SPON1: variants seen among roughly 807,000 people sequenced by gnomAD.
SPON1 encodes spondin 1.
SPON1 carries 52 observed loss-of-function variants against 111.7 expected under a neutral mutation model. That is an observed-to-expected ratio of 0.47 (90% CI 0.37 to 0.59). The LOEUF is 0.59. SPON1 is among the 20% of genes least tolerant of loss of function. The pLI, the probability that SPON1 is intolerant of heterozygous loss-of-function variation, is 0.00. For missense variants in SPON1, 957 were observed against 1,068.5 expected (o/e 0.90, Z 1.46); for synonymous variants, 410 against 395.8 (o/e 1.04, Z -0.43).
chr11:13,990,972 T>A (rs1039283036), intron 2 of SPON1, among the ~76,000 whole-genome samples: 1 of 152,218 alleles, frequency 6.6e-6, no homozygotes, highest in South Asian at 2.1e-4. Flanking sequence ...CCTTTGTGGG[T>A]AACATGACCT....
intron 6 of SPON1, among the ~76,000 whole-genome samples, chr11:14,138,714 T>C (rs1217876178): frequency 6.6e-6 from 1 of 152,128 alleles, no homozygotes; most frequent in African/African-American, 2.4e-5. Context: ...TGAAAACACT[T>C]CATCCCACTA....
intron 6 of SPON1, among the ~76,000 whole-genome samples, chr11:14,216,506 T>C (rs1848627881): frequency 1.3e-5 from 2 of 152,200 alleles, no homozygotes; most frequent in South Asian, 4.1e-4. Context: ...CTTATTGTCT[T>C]AGTCTGTTTT....
chr11:14,241,453 G>T (rs1848925332), intron 6 of SPON1, among the ~76,000 whole-genome samples: 1 of 152,166 alleles, frequency 6.6e-6, no homozygotes, highest in African/African-American at 2.4e-5. Context: ...CTGGAGATGG[G>T]GTGGCCAGAG....
chr11:14,254,875 A>G (rs1554941035), intron 8 of SPON1, 146 bp downstream of exon 8: 2 of 769,574 alleles, frequency 2.6e-6, no homozygotes, highest in East Asian at 2.7e-5. Flanking sequence ...ATCATCACAT[A>G]TGGTGTAATT....
At chr11:14,263,079 G>C in intron 15 of SPON1, 104 bp downstream of exon 15, 7 of 1,116,298 alleles carry the variant, frequency 6.3e-6, no homozygotes, top group Non-Finnish European at 8.7e-6. Context: ...AAAAAAGTCG[G>C]GGAGAGTCTG....
chr11:14,050,298 C>G (rs1041444247), intron 3 of SPON1, among the ~76,000 whole-genome samples: 22 of 152,334 alleles, frequency 1.4e-4, no homozygotes, highest in African/African-American at 4.8e-4. Context: ...TTTCATTCTT[C>G]TTTGTGGTCA....
intron 2 of SPON1, among the ~76,000 whole-genome samples, chr11:13,985,785 T>C (rs1554910244): frequency 6.6e-6 from 1 of 152,152 alleles, no homozygotes; most frequent in African/African-American, 2.4e-5. Flanking sequence ...GTCCAGCATC[T>C]CAAGGGTCCA....
intron 6 of SPON1, among the ~76,000 whole-genome samples, chr11:14,225,929 A>G (rs1324331227): frequency 1.3e-5 from 2 of 152,178 alleles, no homozygotes; most frequent in Non-Finnish European, 2.9e-5. Context: ...TTGTCTATAT[A>G]ATGTCTTAGA....
chr11:14,260,934 G>T (rs1049615088), intron 14 of SPON1, among the ~76,000 whole-genome samples, 182 bp downstream of exon 14: 1 of 152,142 alleles, frequency 6.6e-6, no homozygotes. Flanking sequence ...TTAATAAAGT[G>T]AGAATCCCAC....
intron 7 of SPON1, among the ~76,000 whole-genome samples, chr11:14,248,420 T>C (rs1849017314): frequency 6.6e-6 from 1 of 152,062 alleles, no homozygotes; most frequent in Non-Finnish European, 1.5e-5. Flanking sequence ...GAAATGAATA[T>C]TTTGGGACAC....
chr11:14,183,384 A>G (rs1271100294), intron 6 of SPON1, among the ~76,000 whole-genome samples: 4 of 152,234 alleles, frequency 2.6e-5, no homozygotes, highest in East Asian at 1.9e-4. Flanking sequence ...CTGTGCAATT[A>G]GAGGTATAGA....
chr11:14,265,330 G>C (rs142471225), intron 15 of SPON1, among the ~76,000 whole-genome samples, 194 bp from the exon 16 acceptor site: 1 of 152,132 alleles, frequency 6.6e-6, no homozygotes, highest in Non-Finnish European at 1.5e-5. Context: ...GAGAAGAACC[G>C]TGAAGCATTT....
At chr11:14,211,576 G>T (rs1014349686) in intron 6 of SPON1, among the ~76,000 whole-genome samples, 1 of 152,114 alleles carries the variant, frequency 6.6e-6, no homozygotes, top group Admixed American at 6.5e-5. Context: ...TGTAGATTCA[G>T]TGCTATCCCC....
At chr11:14,232,370 C>G (rs1425536908) in intron 6 of SPON1, among the ~76,000 whole-genome samples, 3 of 152,158 alleles carry the variant, frequency 2.0e-5, no homozygotes, top group African/African-American at 7.2e-5. Context: ...TGGAATAGGC[C>G]TGGCACAGAC....
At chr11:14,000,805 GTTTTAC>G (rs1848311636) in intron 2 of SPON1, among the ~76,000 whole-genome samples, 2 of 152,164 alleles carry the variant, frequency 1.3e-5, no homozygotes, top group South Asian at 4.2e-4. Flanking sequence ...CTAGCATTGG[GTTTTAC>G]CTGAATCCCA....
At chr11:14,075,505 C>T (rs1252478438) in intron 4 of SPON1, 87 bp downstream of exon 4, 5 of 993,492 alleles carry the variant, frequency 5.0e-6, no homozygotes, top group Non-Finnish European at 7.6e-6. Flanking sequence ...AGAATTAAGG[C>T]CCCTGGGCTT....
At chr11:13,997,186 A>G (rs572946502) in intron 2 of SPON1, among the ~76,000 whole-genome samples, 11 of 152,314 alleles carry the variant, frequency 7.2e-5, no homozygotes, top group African/African-American at 2.6e-4. Context: ...GGGTTTTGAC[A>G]GTGTCAGTGG....
intron 6 of SPON1, among the ~76,000 whole-genome samples, chr11:14,186,014 A>T (rs1848282409): frequency 6.6e-6 from 1 of 152,212 alleles, no homozygotes; most frequent in Non-Finnish European, 1.5e-5. Flanking sequence ...TTGTCTGAGG[A>T]TCAAATGAAA....
chr11:14,027,357 C>T (rs1369066322), intron 2 of SPON1, among the ~76,000 whole-genome samples: 1 of 152,160 alleles, frequency 6.6e-6, no homozygotes, highest in Admixed American at 6.5e-5. Flanking sequence ...ATCCAAACTG[C>T]CTAGTATGAG....
Sources: gnomAD v4.1 joint callset for allele counts (sites outside exome capture counted in the v4.1 genomes callset) on GRCh38, gnomAD v4.1.1 for gene constraint, MANE v1.5 for transcripts, NCBI Gene and HGNC (gene_info 2026-07-23, HGNC 2026-07-21) for gene names.